The following MARCO variants were observed in gnomAD, a reference collection of about 807,000 sequenced individuals.
MARCO encodes macrophage receptor MARCO.
In MARCO, 72 loss-of-function variants were observed where a neutral mutation model predicts 70.0. The ratio of observed to expected loss-of-function variants is 1.03; its 90% confidence interval spans 0.85 to 1.25. MARCO has a LOEUF of 1.25. Among genes scored for constraint, MARCO ranks in the 50% most tolerant of loss-of-function variants. MARCO has a pLI of 0.00. For synonymous variants in MARCO, 273 were observed against 243.1 expected, an observed-to-expected ratio of 1.12 and a Z score of -1.14; for missense variants, 696 against 659.3, an observed-to-expected ratio of 1.06 and a Z score of -0.61.
Position 118,970,139 on chromosome 2 carries a change from G to T in MARCO, c.225G>T (p.Arg75=). Residue 75 remains arginine (R), a synonymous_variant, in exon 3 of 17, where the codon CGG becomes CGT. Transcript: ENST00000327097. ...VQVLNLQARL[R]VLEMYFLNDT... is the part of the protein sequence containing the mutation. ...TTCTGAATCTGCAGGCGCGGCTCCG[G>T]GTCCTGGAGATGTATTTCCTCAATG... 1.2e-6 allele frequency: 2 copies of T among 1,614,110 alleles called. No individual in the cohort carries two copies. Among genetic ancestry groups the T allele is most frequent in the Non-Finnish European group, 8.5e-7 (1 of 1,180,036 alleles).
chr2:118,977,583 A>AC (rs1183744948), intron 7 of MARCO, 68 bp downstream of exon 7: 12 of 887,454 alleles, frequency 1.4e-5, no homozygotes, highest in Admixed American at 7.7e-5. Context: ...GTTCCCCCCC[A>AC]CCCCCCATCC....
intron 4 of MARCO, among the ~76,000 whole-genome samples, chr2:118,973,853 A>G (rs1680222926): frequency 6.6e-6 from 1 of 152,166 alleles, no homozygotes; most frequent in Non-Finnish European, 1.5e-5. Context: ...TCCTCCCAAC[A>G]AATACCTATT....
At chr2:118,971,756 C>T (rs184954111) in intron 4 of MARCO, among the ~76,000 whole-genome samples, 113 of 152,350 alleles carry the variant, frequency 7.4e-4, no homozygotes, top group Non-Finnish European at 1.2e-3. Context: ...AAAGAGGCTT[C>T]CTCTCTCCAC....
At chr2:118,943,007 C>G (rs1456910276) in intron 1 of MARCO, among the ~76,000 whole-genome samples, 1 of 152,182 alleles carries the variant, frequency 6.6e-6, no homozygotes, top group Non-Finnish European at 1.5e-5. Context: ...TTTTTAAAAT[C>G]TTCTAGAATT....
At chr2:118,952,082 TCTTTCTTACCC>T (rs138840719) in intron 1 of MARCO, among the ~76,000 whole-genome samples, 1,620 of 152,252 alleles carry the variant, frequency 0.011, 32 homozygotes, top group African/African-American at 0.037. Context: ...GAGCTTAGCC[TCTTTCTTACCC>T]CTTTCTTACC....
Position 118,990,569 on chromosome 2 carries a change from C to CGGTGTT in MARCO, c.1064-20_1064-19insGGTGTT. The CGGTGTT allele has an allele frequency of 7.1e-7, 1 of 1,415,986 alleles. No homozygotes were observed. Among genetic ancestry groups the CGGTGTT allele is most frequent in the Non-Finnish European group, 9.7e-7 (1 of 1,028,340 alleles). 87.7% of individuals were successfully genotyped at this position (1,415,986 alleles called of 1,614,324 possible). On this transcript the variant is annotated intron_variant, in intron 12 of 16. Transcript: ENST00000327097. ...AGTTTTATTATCTCCTCCCCCCCCC[C>CGGTGTT]TTTTTTGTTTTGATCTTAGGACTTC...
chr2:118,966,156 T>G (rs975523110), intron 1 of MARCO, among the ~76,000 whole-genome samples: 2 of 152,230 alleles, frequency 1.3e-5, no homozygotes, highest in Non-Finnish European at 2.9e-5. Context: ...AGGCTTTTTT[T>G]CTTCACTGGG....
At chr2:118,987,503 A>G (rs987395743) in intron 12 of MARCO, among the ~76,000 whole-genome samples, 8 of 152,208 alleles carry the variant, frequency 5.3e-5, no homozygotes, top group Admixed American at 2.6e-4. Flanking sequence ...ATCAGAAGGC[A>G]TTTCATCAAG....
intron 1 of MARCO, chr2:118,944,931 CTTTCT>C (rs1474339794): frequency 1.3e-5 from 2 of 152,096 alleles, no homozygotes; most frequent in Non-Finnish European, 2.9e-5. Flanking sequence ...TTAAGGTACT[CTTTCT>C]TTTCTTTATT....
chr2:118,967,989 A>G (rs925829084), intron 1 of MARCO, among the ~76,000 whole-genome samples: 2 of 152,204 alleles, frequency 1.3e-5, no homozygotes, highest in African/African-American at 2.4e-5. Flanking sequence ...ACCTGGGGTC[A>G]TATGCCTGCT....
At chr2:118,957,546 C>G (rs1679861453) in intron 1 of MARCO, among the ~76,000 whole-genome samples, 1 of 151,976 alleles carries the variant, frequency 6.6e-6, no homozygotes, top group African/African-American at 2.4e-5. Flanking sequence ...CAGGACCAGA[C>G]AGATTCACAG....
At chr2:118,963,496 T>C (rs970293088) in intron 1 of MARCO, among the ~76,000 whole-genome samples, 3 of 152,084 alleles carry the variant, frequency 2.0e-5, no homozygotes, top group African/African-American at 7.2e-5. Context: ...TGAAATTTGT[T>C]TTATGACCTA....
intron 1 of MARCO, among the ~76,000 whole-genome samples, chr2:118,951,813 G>GTC (rs965280332): frequency 1.1e-4 from 16 of 151,886 alleles, no homozygotes; most frequent in Non-Finnish European, 2.2e-4. Context: ...CCTTGACTCT[G>GTC]TCTCTCTCTC....
intron 12 of MARCO, among the ~76,000 whole-genome samples, chr2:118,983,233 T>C (rs753649327): frequency 3.3e-5 from 5 of 152,206 alleles, no homozygotes; most frequent in Non-Finnish European, 7.3e-5. Context: ...AGGACATCTG[T>C]AGACAGTCTG....
chr2:118,964,003 T>C (rs1461595567), intron 1 of MARCO, among the ~76,000 whole-genome samples: 1 of 152,160 alleles, frequency 6.6e-6, no homozygotes, highest in Non-Finnish European at 1.5e-5. Flanking sequence ...ATTTATAGTG[T>C]TTTTTATTGA....
rs537338062 is a variant in MARCO, at chr2:118,943,535, A to G, written c.97+1138A>G. On this transcript the variant is annotated intron_variant, in intron 1 of 16. Coordinates refer to ENST00000327097, the MANE Select transcript of MARCO (RefSeq NM_006770.4). ...GCACGAGGGGACAGGGGACAGGGTA[A>G]GCTGCCCATGAACTGACAATTTCCA... Among the ~76,000 whole-genome samples the G allele has an allele frequency of 7.6e-4, 115 of 152,204 alleles. No individual in the cohort carries two copies. The South Asian group carries it at 0.01, about 13-fold the overall frequency.
chr2:118,985,814 A>G (rs987341860), intron 12 of MARCO, among the ~76,000 whole-genome samples: 1 of 152,170 alleles, frequency 6.6e-6, no homozygotes, highest in African/African-American at 2.4e-5. Context: ...AAACTCCAAA[A>G]CACCAATCTG....
In MARCO at chr2:118,970,239, G is replaced by A; in HGVS notation, c.325G>A (p.Gly109Ser). 1 of 1,614,030 alleles carries A rather than the reference G, an allele frequency of 6.2e-7. No homozygotes were observed. Among genetic ancestry groups the A allele is most frequent in the Non-Finnish European group, 8.5e-7 (1 of 1,179,998 alleles). ...ACACCCTGGAGAACACCTGGCTCAG[G>A]GTGCATCGAGGCTGCAAGTCCTGCA... ...SAHPGEHLAQGASRLQVLQAQ... is the reference protein window; with the variant it reads ...SAHPGEHLAQSASRLQVLQAQ... The change falls in exon 3 of 17, where the codon GGT (glycine) becomes AGT (serine). Residue 109 changes from glycine (G) to serine (S), a missense_variant. Gly to Ser is a moderately conservative substitution (Grantham distance 56). Around this residue, in one of 3 missense-constraint regions of MARCO, gnomAD observed 605 missense variants for 537.6 expected, o/e 1.13. Coordinates refer to ENST00000327097, the MANE Select transcript of MARCO (RefSeq NM_006770.4).
At chr2:118,976,480 T>C (rs1479678632) in intron 6 of MARCO, among the ~76,000 whole-genome samples, 9 of 151,992 alleles carry the variant, frequency 5.9e-5, no homozygotes. Context: ...ATCCCTCAAT[T>C]TCCCCTCATA....
Sources: gnomAD v4.1 joint callset for allele counts (sites outside exome capture counted in the v4.1 genomes callset) on GRCh38, gnomAD v4.1.1 for gene constraint, gnomAD v4.1.1 regional missense constraint, MANE v1.5 for transcripts, NCBI Gene and HGNC (gene_info 2026-07-23, HGNC 2026-07-21) for gene names.